Variants in CLEC16A observed in about 807,000 individuals in gnomAD.
The protein encoded by CLEC16A is protein CLEC16A.
CLEC16A carries 51 observed loss-of-function variants against 109.5 expected under a neutral mutation model. The observed-to-expected ratio is 0.47, with a 90% CI of 0.37 to 0.59. CLEC16A has a LOEUF of 0.59. Among genes scored for constraint, CLEC16A ranks in the 20% least tolerant of loss-of-function variants. CLEC16A has a pLI of 0.00. For synonymous variants in CLEC16A, 673 were observed against 564.2 expected, an observed-to-expected ratio of 1.19 and a Z score of -2.73; for missense variants, 1,339 against 1,394.0, an observed-to-expected ratio of 0.96 and a Z score of 0.63.
At chr16:10,976,467 A>G (rs1175625763) in intron 7 of CLEC16A, among the ~76,000 whole-genome samples, 1 of 152,218 alleles carries the variant, frequency 6.6e-6, no homozygotes, top group Non-Finnish European at 1.5e-5. Context: ...TATAAGTCCC[A>G]AAATGTTAAT....
chr16:11,178,584 G>T lies in CLEC16A; in HGVS notation c.3056G>T (p.Arg1019Leu). 1.9e-6 allele frequency: 3 copies of T among 1,610,200 alleles called. No individual in the cohort carries two copies. The highest frequency in any genetic ancestry group is 4.5e-5 in the East Asian group (2 of 44,874). ...LVPPVDPHSL[R>L]SLTGMPPLST... ...CCCCCAGTTGACCCCCACAGCCTCC[G>T]CAGCCTCACCGGCATGCCCCCGCTG... is the stretch of plus-strand genomic sequence containing the variant. The change falls in exon 24 of 24, where the codon CGC (arginine) becomes CTC (leucine). Residue 1019 changes from arginine (R) to leucine (L), a missense_variant. Arg to Leu is a moderately radical substitution (Grantham distance 102). Transcript: ENST00000409790. This position sits in a 1 kb window ranked among gnomAD's most constrained non-coding sequence, Gnocchi z 6.5.
At chr16:11,169,174 T>A (rs2068399306) in intron 23 of CLEC16A, among the ~76,000 whole-genome samples, 1 of 152,216 alleles carries the variant, frequency 6.6e-6, no homozygotes, top group Non-Finnish European at 1.5e-5. Flanking sequence ...GTCTCTGTGA[T>A]TATGGAGCCT....
chr16:11,037,339 C>G (rs2047079505), intron 13 of CLEC16A, among the ~76,000 whole-genome samples: 1 of 152,220 alleles, frequency 6.6e-6, no homozygotes, highest in African/African-American at 2.4e-5. Context: ...CTGACTTGCT[C>G]TGTGACCTTG....
rs1319151591 is a variant in CLEC16A at position 11,028,924 on chromosome 16, G to A, written c.1537+4003G>A. On this transcript the variant is annotated intron_variant, in intron 13 of 23. Coordinates refer to ENST00000409790, the MANE Select transcript of CLEC16A (RefSeq NM_015226.3). ...TACACAGTTTCCCTTTTGATTTCTT[G>A]TGTTTTGTCATGTGTATAATTTCTA... is the stretch of plus-strand genomic sequence containing the variant. 2.0e-5 allele frequency among the ~76,000 whole-genome samples: 3 copies of A among 152,080 alleles called. No individual in the cohort carries two copies. The East Asian group carries it at 5.8e-4, about 29-fold the overall frequency.
At chr16:11,147,821 T>A (rs2054130189) in intron 22 of CLEC16A, among the ~76,000 whole-genome samples, 1 of 152,218 alleles carries the variant, frequency 6.6e-6, no homozygotes, top group Non-Finnish European at 1.5e-5. Flanking sequence ...TAGTTCAATG[T>A]ATGTAACATT....
At chr16:10,981,859 G>C (rs549012275) in intron 9 of CLEC16A, among the ~76,000 whole-genome samples, 10 of 152,324 alleles carry the variant, frequency 6.6e-5, no homozygotes, top group African/African-American at 2.4e-4. Context: ...ATACCTGGCA[G>C]TGTCTGGGGA....
At chr16:10,995,263 A>G (rs2044259796) in intron 10 of CLEC16A, among the ~76,000 whole-genome samples, 1 of 152,172 alleles carries the variant, frequency 6.6e-6, no homozygotes, top group South Asian at 2.1e-4. Context: ...GGCAACTGAG[A>G]CCTATAGAGG....
chr16:11,124,139 A>T (rs184255336), intron 21 of CLEC16A, among the ~76,000 whole-genome samples, 193 bp downstream of exon 21: 2 of 152,246 alleles, frequency 1.3e-5, no homozygotes, highest in African/African-American at 4.8e-5. Context: ...CTAGGGCTGC[A>T]TGGAAGAGAA....
chr16:11,017,657 T>G (rs1305243727), intron 11 of CLEC16A, among the ~76,000 whole-genome samples: 1 of 152,168 alleles, frequency 6.6e-6, no homozygotes, highest in Non-Finnish European at 1.5e-5. Flanking sequence ...TCAACAGTTA[T>G]AAGTCATATT....
rs78873474 is a variant in CLEC16A at position 10,993,966 on chromosome 16, A to T, written c.1072-9108A>T. Among the ~76,000 whole-genome samples, 418 of 152,348 alleles carry T rather than the reference A, an allele frequency of 2.7e-3. 2 individuals are homozygous for T. The highest frequency in any genetic ancestry group is 4.3e-3 in the Non-Finnish European group (295 of 68,036). ...CCCTACAGACTTAGTGACACGCCAG[A>T]GGTCACTTTCCAAGAGGAAATTGCA... On this transcript the variant is annotated intron_variant, in intron 10 of 23. Transcript: ENST00000409790.
At chr16:11,041,547 TACTC>T (rs2047336018) in intron 14 of CLEC16A, 1 of 152,234 alleles carries the variant, frequency 6.6e-6, no homozygotes, top group Non-Finnish European at 1.5e-5. Flanking sequence ...ACTCTAGACT[TACTC>T]TACGGGAGAC....
chr16:10,969,066 C>A, intron 3 of CLEC16A, 95 bp from the exon 4 acceptor site: 1 of 1,031,928 alleles, frequency 9.7e-7, no homozygotes, highest in Non-Finnish European at 1.4e-6. Flanking sequence ...CAGAGGCTTA[C>A]CTGATTCAAG....
At chr16:11,087,144 G>A (rs1444102145) in intron 19 of CLEC16A, among the ~76,000 whole-genome samples, 1 of 152,216 alleles carries the variant, frequency 6.6e-6, no homozygotes, top group Non-Finnish European at 1.5e-5. Context: ...CTAAATAGAG[G>A]TTGAGATAAA....
intron 22 of CLEC16A, among the ~76,000 whole-genome samples, chr16:11,133,326 G>C (rs1597503151): frequency 2.0e-5 from 3 of 150,756 alleles, no homozygotes; most frequent in African/African-American, 7.3e-5. Context: ...GTGACAGAGT[G>C]AGACTCTGTC....
Position 10,982,881 on chromosome 16 carries a change from T to G in CLEC16A, c.961T>G (p.Phe321Val). Reference sequence around the variant, plus strand: ...CCGTTTCTTTTTTTTCCGCCAGGTCTTCTTAATTATACATCATGCACCGCT... The same window carrying G: ...CCGTTTCTTTTTTTTCCGCCAGGTCGTCTTAATTATACATCATGCACCGCT... ...PVSLYLLSQVFLIIHHAPLVN... is the reference protein window; with the variant it reads ...PVSLYLLSQVVLIIHHAPLVN... Residue 321 changes from phenylalanine (F) to valine (V), a missense_variant, in exon 10 of 24, where the codon TTC becomes GTC. Physicochemically the swap from Phe to Val is conservative, Grantham distance 50 (BLOSUM62 -1). Transcript: ENST00000409790. The G allele has an allele frequency of 1.3e-6, 2 of 1,582,496 alleles. No homozygotes were observed. The highest frequency in any genetic ancestry group is 1.3e-5 in the African/African-American group (1 of 74,432).
intron 22 of CLEC16A, among the ~76,000 whole-genome samples, chr16:11,152,558 C>G (rs1050803649): frequency 9.2e-5 from 14 of 152,224 alleles, no homozygotes; most frequent in Non-Finnish European, 1.6e-4. Flanking sequence ...GGGCCAGTGC[C>G]AATCCCCTCT....
chr16:11,014,529 GA>G (rs139108265), intron 11 of CLEC16A, among the ~76,000 whole-genome samples: 13 of 151,790 alleles, frequency 8.6e-5, no homozygotes, highest in Non-Finnish European at 1.9e-4. Context: ...GTATTTAAGT[GA>G]AAAAAAAGTA....
chr16:11,075,511 C>T (rs1008318205), intron 19 of CLEC16A, among the ~76,000 whole-genome samples: 1 of 151,918 alleles, frequency 6.6e-6, no homozygotes, highest in South Asian at 2.1e-4. Context: ...TCATAGCTCT[C>T]TGCAACCTTG....
intron 11 of CLEC16A, among the ~76,000 whole-genome samples, chr16:11,005,375 A>G (rs576911122): frequency 6.6e-6 from 1 of 152,314 alleles, no homozygotes; most frequent in Non-Finnish European, 1.5e-5. Context: ...CCTGTTTTCC[A>G]GGTGGTTACT....
Sources: gnomAD v4.1 joint callset for allele counts (sites outside exome capture counted in the v4.1 genomes callset) on GRCh38, gnomAD v4.1.1 for gene constraint, Gnocchi (gnomAD v3.1) non-coding constraint, MANE v1.5 for transcripts, NCBI Gene and HGNC (gene_info 2026-07-23, HGNC 2026-07-21) for gene names.